The following RXYLT1 variants were observed in gnomAD, a reference collection of about 807,000 sequenced individuals.
RXYLT1 encodes the protein ribitol-5-phosphate xylosyltransferase 1.
RXYLT1 carries 41 observed loss-of-function variants against 43.5 expected under a neutral mutation model. That is an observed-to-expected ratio of 0.94 (90% confidence interval 0.73 to 1.22). The LOEUF is 1.22. Ranked by LOEUF, RXYLT1 falls within the 50% of genes most tolerant of loss-of-function variation. The pLI is 0.00. For synonymous variants in RXYLT1, 166 were observed against 194.4 expected (o/e 0.85, Z 1.21); for missense variants, 514 against 532.0 (o/e 0.97, Z 0.33).
At chr12:63,797,157 T>C (rs1036460143) in intron 3 of RXYLT1, among the ~76,000 whole-genome samples, 1 of 151,496 alleles carries the variant, frequency 6.6e-6, no homozygotes, top group Non-Finnish European at 1.5e-5. Context: ...AGAAATGGGG[T>C]TTCACCATGT....
intron 2 of RXYLT1, among the ~76,000 whole-genome samples, chr12:63,783,694 A>G (rs1897738024): frequency 6.6e-6 from 1 of 152,154 alleles, no homozygotes; most frequent in Non-Finnish European, 1.5e-5. Flanking sequence ...TTTCAGAGAC[A>G]CTTCCACATT....
chr12:63,782,890 C>T (rs535166852), intron 2 of RXYLT1, among the ~76,000 whole-genome samples: 1 of 152,296 alleles, frequency 6.6e-6, no homozygotes, highest in African/African-American at 2.4e-5. Flanking sequence ...CCGAGAATTT[C>T]CCAAATCATC....
chr12:63,780,325 TCA>T, intron 1 of RXYLT1, 196 bp downstream of exon 1: 1 of 1,295,344 alleles, frequency 7.7e-7, no homozygotes. Context: ...TACCCAGATC[TCA>T]CACGCCGTCC....
chr12:63,808,517 ATC>A, intron 5 of RXYLT1, 156 bp from the exon 6 acceptor site: 1 of 715,328 alleles, frequency 1.4e-6, no homozygotes, highest in Non-Finnish European at 2.2e-6. Context: ...TTTTTAAGAA[ATC>A]TGTTTGGGCC....
chr12:63,782,106 C>T (rs1201018093), intron 2 of RXYLT1, among the ~76,000 whole-genome samples: 1 of 152,038 alleles, frequency 6.6e-6, no homozygotes, highest in African/African-American at 2.4e-5. Context: ...TCTTTTCAAT[C>T]TGATAAGTGC....
At position 63,780,014 on chromosome 12, in the gene RXYLT1, A is replaced by T. The variant is rs1264470447; in HGVS notation, c.54A>T (p.Leu18=). The change falls in exon 1 of 6, where the codon CTA becomes CTT. Residue 18 remains leucine, a synonymous_variant. Transcript: ENST00000261234. The part of the protein sequence containing the change: ...LCSFLIALYC[L]FSLYAAYHVF... ...CGTTTCTTATCGCCCTGTACTGCCT[A>T]TTCTCCCTCTACGCTGCCTACCACG... 6.2e-7 allele frequency: 1 copy of T among 1,609,230 alleles called. No individual in the cohort carries two copies. The highest frequency in any genetic ancestry group is 8.5e-7 in the Non-Finnish European group (1 of 1,178,078).
intron 1 of RXYLT1, chr12:63,780,362 A>T (rs1410808655): frequency 7.8e-7 from 1 of 1,286,202 alleles, no homozygotes; most frequent in Non-Finnish European, 9.8e-7. Flanking sequence ...AGGGGGTGAC[A>T]GGCGCGCACG....
At chr12:63,797,008 G>A (rs552799532) in intron 3 of RXYLT1, among the ~76,000 whole-genome samples, 22 of 139,712 alleles carry the variant, frequency 1.6e-4, no homozygotes, top group Non-Finnish European at 2.7e-4. Context: ...CTGTCATCCA[G>A]GCTGGAGAGC....
chr12:63,801,921 GC>G (rs1565905651), intron 3 of RXYLT1, among the ~76,000 whole-genome samples, 169 bp from the exon 4 acceptor site: 1 of 152,116 alleles, frequency 6.6e-6, no homozygotes, highest in Admixed American at 6.5e-5. Context: ...CTACAGCTAT[GC>G]CCCATCATTC....
intron 3 of RXYLT1, among the ~76,000 whole-genome samples, chr12:63,788,186 T>G (rs541628896): frequency 1.3e-5 from 2 of 152,344 alleles, no homozygotes; most frequent in South Asian, 4.1e-4. Flanking sequence ...TCATCTAGGC[T>G]TTTTTCCATT....
Position 63,802,145 on chromosome 12 carries a change from T to C in RXYLT1, c.483T>C (p.Asn161=). 6.2e-7 allele frequency: 1 copy of C among 1,614,030 alleles called. No homozygotes were observed. The highest frequency in any genetic ancestry group is 8.5e-7 in the Non-Finnish European group (1 of 1,179,976). The change falls in exon 4 of 6, where the codon AAT becomes AAC. Residue 161 remains asparagine (N), a synonymous_variant. Transcript: ENST00000261234. ...IPGYFSVDVN[N]VVLILNGREK... is the part of the protein sequence containing the mutation. ...GGTACTTCTCCGTTGATGTGAATAA[T>C]GTGGTACTCATTTTAAATGGAAGAG...
intron 5 of RXYLT1, 44 bp downstream of exon 5, chr12:63,805,448 CT>C: frequency 6.6e-7 from 1 of 1,511,972 alleles, no homozygotes; most frequent in Non-Finnish European, 8.8e-7. Flanking sequence ...GTTCTCCAGT[CT>C]GAGAGTTGCT....
chr12:63,805,884 G>C (rs1017615464), intron 5 of RXYLT1: 2 of 152,454 alleles, frequency 1.3e-5, no homozygotes, highest in African/African-American at 4.8e-5. Flanking sequence ...AGTAGACCTA[G>C]GATAAATGGT....
intron 3 of RXYLT1, among the ~76,000 whole-genome samples, chr12:63,800,903 A>C (rs2136230962): frequency 6.6e-6 from 1 of 152,046 alleles, no homozygotes; most frequent in South Asian, 2.1e-4. Context: ...CCTGAGCAAC[A>C]GACTGAGACT....
intron 5 of RXYLT1, chr12:63,806,041 TAAAC>T (rs929534730): frequency 1.2e-4 from 18 of 152,202 alleles, no homozygotes; most frequent in Admixed American, 9.2e-4. Flanking sequence ...AGTTTTCAAA[TAAAC>T]AAAGCATAAT....
intron 3 of RXYLT1, among the ~76,000 whole-genome samples, chr12:63,793,677 G>A (rs1410516781): frequency 6.6e-6 from 1 of 152,096 alleles, no homozygotes; most frequent in Non-Finnish European, 1.5e-5. Flanking sequence ...AATAGTAGTA[G>A]AAATGGAGAG....
intron 1 of RXYLT1, 70 bp downstream of exon 1, chr12:63,780,199 G>T (rs1897644855): frequency 2.2e-6 from 3 of 1,394,996 alleles, no homozygotes; most frequent in South Asian, 1.6e-5. Flanking sequence ...GCTGGGGCCG[G>T]GTCCCCGCAC....
chr12:63,785,178 A>C, intron 3 of RXYLT1, 106 bp downstream of exon 3: 1 of 667,380 alleles, frequency 1.5e-6, no homozygotes, highest in Non-Finnish European at 2.3e-6. Flanking sequence ...TTATAAAAAT[A>C]CTTCTATTTC....
At chr12:63,787,197 C>T (rs920603290) in intron 3 of RXYLT1, among the ~76,000 whole-genome samples, 2 of 152,180 alleles carry the variant, frequency 1.3e-5, no homozygotes, top group Non-Finnish European at 2.9e-5. Context: ...TTTATTGTCA[C>T]TTCACCAATG....
Sources: gnomAD v4.1 joint callset for allele counts (sites outside exome capture counted in the v4.1 genomes callset) on GRCh38, gnomAD v4.1.1 for gene constraint, MANE v1.5 for transcripts, NCBI Gene and HGNC (gene_info 2026-07-23, HGNC 2026-07-21) for gene names.